Variants in SPNS1 observed in about 807,000 individuals in gnomAD.
SPNS1 encodes SPNS lysolipid transporter 1, lysophospholipid.
A neutral mutation model predicts 50.3 loss-of-function variants in SPNS1; 22 were observed. The observed-to-expected ratio is 0.44, with a 90% confidence interval of 0.31 to 0.62. The LOEUF is 0.62. Ranked by LOEUF, SPNS1 falls within the 20% of genes least tolerant of loss-of-function variation. The pLI is 0.07. For synonymous variants in SPNS1, 295 were observed against 317.4 expected (o/e 0.93, Z 0.75); for missense variants, 576 against 728.6 (o/e 0.79, Z 2.41).
Position 28,983,419 on chromosome 16 carries a change from G to T in SPNS1, c.1320+129G>T, listed in dbSNP as rs1407034336. 4.0e-6 allele frequency: 3 copies of T among 743,984 alleles called. No individual in the cohort carries two copies. The highest frequency in any genetic ancestry group is 3.5e-5 in the African/African-American group (2 of 56,982). The allele number at this position is 743,984 out of a possible 1,614,324, so 46.1% of individuals were successfully genotyped here. A position where few individuals can be genotyped will look rare whatever the true frequency, so the allele number is the denominator to read the frequency against. ...ACTTCTCACCTTCCATTGTCAACTG[G>T]AGGAGAAAGATTTTGTCTTTGAATA... is the stretch of plus-strand genomic sequence containing the variant. On this transcript the variant is annotated intron_variant, in intron 10 of 11. Transcript: ENST00000311008. The surrounding 1 kb of genome is among the most constrained non-coding windows in gnomAD (Gnocchi z 5.4).
At chr16:28,982,165 C>T in intron 7 of SPNS1, 109 bp downstream of exon 7, 2 of 1,428,390 alleles carry the variant, frequency 1.4e-6, no homozygotes, top group Non-Finnish European at 1.9e-6. Context: ...TCACAAGCTG[C>T]CTGCTCTCCT....
At position 28,983,812 on chromosome 16, in the gene SPNS1, GC is replaced by G; in HGVS notation, c.1353del (p.Ser452ProfsTer?). ...TCTCTGACCGCCTGCGCCGGAACTG[GC>G]CCCCCTCCTTCTTGTCCGAGTTCCG... Reference protein sequence around the residue: ...LISDRLRRNWPPSFLSEFRAL... With the variant: ...LISDRLRRNWXPSFLSEFRAL... On this transcript the variant is annotated frameshift_variant, in exon 11 of 12. Transcript: ENST00000311008. LOFTEE classifies it high-confidence loss of function. The surrounding 1 kb of genome is among the most constrained non-coding windows in gnomAD (Gnocchi z 5.4). 6.2e-7 allele frequency: 1 copy of G among 1,602,264 alleles called. No homozygotes were observed.
intron 5 of SPNS1, chr16:28,980,404 T>TA (rs982664972): frequency 6.6e-6 from 1 of 152,130 alleles, no homozygotes; most frequent in Non-Finnish European, 1.5e-5. Context: ...GTGCTGGGCT[T>TA]ACGGGTGTGA....
chr16:28,979,564 T>G, intron 5 of SPNS1, 93 bp downstream of exon 5: 1 of 1,379,406 alleles, frequency 7.2e-7, no homozygotes, highest in Non-Finnish European at 1.0e-6. Flanking sequence ...CCATTTTTCT[T>G]TTAAGAGACA....
At position 28,984,359 on chromosome 16, in the gene SPNS1, A is replaced by G. The variant is rs756791074; in HGVS notation, c.*60A>G. ...AGCTGGCCCTGGGCCCACCCCACGA[A>G]GGGCCTGGGCCTAACCCCTTGGCCT... On this transcript the variant is annotated 3_prime_UTR_variant, in exon 12 of 12. Coordinates refer to ENST00000311008, the MANE Select transcript of SPNS1 (RefSeq NM_032038.3). The G allele has an allele frequency of 7.2e-6, 11 of 1,535,704 alleles. No individual in the cohort carries two copies. The highest frequency in any genetic ancestry group is 8.9e-6 in the Non-Finnish European group (10 of 1,125,348).
Position 28,978,017 on chromosome 16 carries a change from A to C in SPNS1, c.417A>C (p.Thr139=), listed in dbSNP as rs770932119. 1 of 1,613,788 alleles carries C rather than the reference A, an allele frequency of 6.2e-7. No individual in the cohort carries two copies. Among genetic ancestry groups the C allele is most frequent in the Non-Finnish European group, 8.5e-7 (1 of 1,179,862 alleles). Residue 139 remains threonine (T), a synonymous_variant, in exon 3 of 12, where the codon ACA becomes ACC. Transcript: ENST00000311008. ...GCATTGCCTTCTGGTCCCTGGTGAC[A>C]CTGGGGTCATCCTTCATCCCCGGAG... The part of the protein sequence containing the change: ...CGGIAFWSLV[T]LGSSFIPGEH...
rs753914706 is a variant in SPNS1, at chr16:28,981,734, T to G, written c.809+119T>G. The G allele has an allele frequency of 6.6e-5, 99 of 1,499,668 alleles. No individual in the cohort carries two copies. Among genetic ancestry groups the G allele is most frequent in the Non-Finnish European group, 8.4e-5 (93 of 1,104,120 alleles). The allele number at this position is 1,499,668 out of a possible 1,614,324, so 92.9% of individuals were successfully genotyped here. A position where few individuals can be genotyped will look rare whatever the true frequency, so the allele number is the denominator to read the frequency against. ...AAGGCCAGTAATTCGGTCGATACTGTCCCCTTGTGGCAGCTGCTTGAATTA... is the reference window on the plus strand; with the variant it reads ...AAGGCCAGTAATTCGGTCGATACTGGCCCCTTGTGGCAGCTGCTTGAATTA... On this transcript the variant is annotated intron_variant, in intron 6 of 11. Transcript: ENST00000311008. This position sits in a 1 kb window ranked among gnomAD's most constrained non-coding sequence, Gnocchi z 4.2.
chr16:28,982,673 A>G, intron 8 of SPNS1, 128 bp downstream of exon 8: 1 of 1,292,400 alleles, frequency 7.7e-7, no homozygotes, highest in Non-Finnish European at 1.1e-6. Context: ...GCTGTGTGAC[A>G]TTGGACAAGT....
Position 28,983,957 on chromosome 16 carries a change from G to C in SPNS1, c.1492G>C (p.Gly498Arg), listed in dbSNP as rs1567528348. Residue 498 changes from glycine (G) to arginine (R), a missense_variant and splice_region_variant, in exon 11 of 12, where the codon GGC (glycine) becomes CGC (arginine). Gly to Arg is a moderately radical substitution (Grantham distance 125, BLOSUM62 -2). Transcript: ENST00000311008. The surrounding 1 kb of genome is among the most constrained non-coding windows in gnomAD (Gnocchi z 5.4). The stretch of plus-strand genomic sequence containing the variant: ...CCGGCGGGCACAGCTGCACGTGCAG[G>C]GTCAGTTAGGAGCTGTGCCCGGCCC... ...DRRRAQLHVQ[G>R]LLHEAGSTDD... The C allele has an allele frequency of 3.8e-6, 6 of 1,576,724 alleles. No individual in the cohort carries two copies. Among genetic ancestry groups the C allele is most frequent in the Non-Finnish European group, 4.3e-6 (5 of 1,167,018 alleles).
In SPNS1 at chr16:28,981,522, G is replaced by A. The variant is rs773470902; in HGVS notation, c.716G>A (p.Arg239Gln). 12 of 1,614,092 alleles carry A rather than the reference G, an allele frequency of 7.4e-6. No homozygotes were observed. Among genetic ancestry groups the A allele is most frequent in the East Asian group, 6.7e-5 (3 of 44,872 alleles). ...GTTCTGCTGCTGTTCCTGGTAGTGC[G>A]GGAGCCGCCAAGGGGAGCCGTGGAG... ...VAVLLLFLVV[R>Q]EPPRGAVERH... The change falls in exon 6 of 12, where the codon CGG becomes CAG. Residue 239 changes from arginine to glutamine, a missense_variant. Arg to Gln is a conservative substitution (Grantham distance 43). Transcript: ENST00000311008. This position sits in a 1 kb window ranked among gnomAD's most constrained non-coding sequence, Gnocchi z 4.2.
intron 5 of SPNS1, chr16:28,980,480 A>C (rs1965506693): frequency 1.3e-5 from 2 of 151,922 alleles, no homozygotes; most frequent in South Asian, 4.1e-4. Context: ...CCTGCAGGAG[A>C]CTGGCTGCCC....
In SPNS1 at chr16:28,979,491, G is replaced by A; in HGVS notation, c.663+20G>A. 1.2e-6 allele frequency: 2 copies of A among 1,613,568 alleles called. No homozygotes were observed. Among genetic ancestry groups the A allele is most frequent in the Non-Finnish European group, 1.7e-6 (2 of 1,179,534 alleles). On this transcript the variant is annotated intron_variant, in intron 5 of 11. Transcript: ENST00000311008. Reference sequence around the variant, plus strand: ...CTGAGGGTGAGTCTGGTCTTGGCCTGGGGGTAGGTCAGCGACGTTCTCACT... The same window carrying A: ...CTGAGGGTGAGTCTGGTCTTGGCCTAGGGGTAGGTCAGCGACGTTCTCACT...
chr16:28,984,115 C>T (rs993926469), intron 11 of SPNS1, 90 bp from the exon 12 acceptor site: 41 of 1,453,144 alleles, frequency 2.8e-5, no homozygotes, highest in Non-Finnish European at 3.7e-5. Context: ...TCTGTGGCTG[C>T]CCCATCCATT....
Position 28,982,755 on chromosome 16 carries a change from T to G in SPNS1, c.1156-102T>G. On this transcript the variant is annotated intron_variant, in intron 8 of 11. Transcript: ENST00000311008. ...ATTAGTAGCACCTGTCTCACTGGGG[T>G]GTGATGAGGATTAAATTAGTTAATA... 3.7e-6 allele frequency: 5 copies of G among 1,359,190 alleles called. No homozygotes were observed. The South Asian group carries it at 6.0e-5, about 16-fold the overall frequency. The allele number at this position is 1,359,190 out of a possible 1,614,324, so 84.2% of individuals were successfully genotyped here.
chr16:28,976,531 A>T (rs1188412474), intron 2 of SPNS1, among the ~76,000 whole-genome samples: 4 of 152,212 alleles, frequency 2.6e-5, no homozygotes, highest in Non-Finnish European at 4.4e-5. Context: ...TCAGTCAAAA[A>T]TAGGTGTTAC....
chr16:28,982,846 T>C lies in SPNS1; in HGVS notation c.1156-11T>C, dbSNP rs368910284. 4 of 1,613,704 alleles carry C rather than the reference T, an allele frequency of 2.5e-6. No individual in the cohort carries two copies. In the African/African-American group the frequency reaches 4.0e-5, roughly 16 times the overall value. The stretch of plus-strand genomic sequence containing the variant: ...TTACTGTCATGAACCCCCGACCCTC[T>C]CTTCCCCCAGATTTTCATCTTCATT... On this transcript the variant is annotated splice_polypyrimidine_tract_variant and intron_variant, in intron 8 of 11. Transcript: ENST00000311008.
At chr16:28,980,978 C>T (rs1965529637) in intron 5 of SPNS1, among the ~76,000 whole-genome samples, 1 of 152,224 alleles carries the variant, frequency 6.6e-6, no homozygotes, top group Non-Finnish European at 1.5e-5. Flanking sequence ...CCCACACTGC[C>T]CTTCTCTTCT....
At position 28,984,346 on chromosome 16, in the gene SPNS1, G is replaced by T. The variant is rs751838570; in HGVS notation, c.*47G>T. 3 of 1,580,838 alleles carry T rather than the reference G, an allele frequency of 1.9e-6. No homozygotes were observed. Among genetic ancestry groups the T allele is most frequent in the Middle Eastern group, 1.7e-4 (1 of 6,002 alleles). ...GCACATCTGCCACAGCTGGCCCTGG[G>T]CCCACCCCACGAAGGGCCTGGGCCT... On this transcript the variant is annotated 3_prime_UTR_variant, in exon 12 of 12. Transcript: ENST00000311008.
rs1191129797 is a variant in SPNS1, at chr16:28,975,189, C to T, written c.38C>T (p.Ala13Val). ...GACACCGCGCCCTTCCTCAGCCAGGCGGATGACCCGGACGACGGGCCAGTG... is the reference window on the plus strand; with the variant it reads ...GACACCGCGCCCTTCCTCAGCCAGGTGGATGACCCGGACGACGGGCCAGTG... ...GSDTAPFLSQ[A>V]DDPDDGPVPG... The change falls in exon 1 of 12, where the codon GCG becomes GTG. Residue 13 changes from alanine to valine, a missense_variant. Around this residue, in one of 3 missense-constraint regions of SPNS1, gnomAD observed 144 missense variants for 181.2 expected, o/e 0.79. Coordinates refer to ENST00000311008, the MANE Select transcript of SPNS1 (RefSeq NM_032038.3). 2.0e-6 allele frequency: 3 copies of T among 1,496,032 alleles called. No individual in the cohort carries two copies. The highest frequency in any genetic ancestry group is 2.7e-6 in the Non-Finnish European group (3 of 1,121,972). 92.7% of individuals were successfully genotyped at this position (1,496,032 alleles called of 1,614,324 possible).
Sources: gnomAD v4.1 joint callset for allele counts (sites outside exome capture counted in the v4.1 genomes callset) on GRCh38, gnomAD v4.1.1 for gene constraint, gnomAD v4.1.1 regional missense constraint, Gnocchi (gnomAD v3.1) non-coding constraint, MANE v1.5 for transcripts, NCBI Gene and HGNC (gene_info 2026-07-23, HGNC 2026-07-21) for gene names.